The following FNDC1 variants were observed in gnomAD, a reference collection of about 807,000 sequenced individuals.
FNDC1 encodes the protein fibronectin type III domain-containing protein 1.
In FNDC1, 96 loss-of-function variants were observed where a neutral mutation model predicts 168.0. That is an observed-to-expected ratio of 0.57 (90% CI 0.48 to 0.68). The LOEUF (loss-of-function observed/expected upper bound fraction) is 0.68, where lower values mean the gene tolerates loss of function less well. Among genes scored for constraint, FNDC1 ranks in the 30% least tolerant of loss-of-function variants. The pLI is 0.00. For synonymous variants in FNDC1, 1,099 were observed against 1,025.9 expected (o/e 1.07, Z -1.36); for missense variants, 2,587 against 2,482.1 (o/e 1.04, Z -0.90).
chr6:159,231,743 T>C (rs1427491922), intron 10 of FNDC1, 139 bp from the exon 11 acceptor site: 5 of 625,596 alleles, frequency 8.0e-6, no homozygotes, highest in Non-Finnish European at 1.1e-5. Flanking sequence ...ACGTTTCCAG[T>C]GTTCTAAGGA....
intron 19 of FNDC1, among the ~76,000 whole-genome samples, chr6:159,263,545 G>T (rs1263789590): frequency 6.6e-6 from 1 of 152,074 alleles, no homozygotes; most frequent in African/African-American, 2.4e-5. Context: ...GGCGGATCAC[G>T]AGGTCATGAG....
chr6:159,233,227 C>G lies in FNDC1; in HGVS notation c.2715C>G (p.Gly905=). 6 of 1,613,784 alleles carry G rather than the reference C, an allele frequency of 3.7e-6. No homozygotes were observed. Among genetic ancestry groups the G allele is most frequent in the Non-Finnish European group, 5.1e-6 (6 of 1,179,812 alleles). ...CCTCCAGGCAGCCCATCTCCCGGGG[C>G]TGGGAGGACTTAAGGAGAAGCCCGC... ...PSSSRQPISR[G]WEDLRRSPQR... is the part of the protein sequence containing the mutation. Residue 905 remains glycine (G), a synonymous_variant, in exon 11 of 23, where the codon GGC becomes GGG. Transcript: ENST00000297267. This position sits in a 1 kb window ranked among gnomAD's most constrained non-coding sequence, Gnocchi z 4.6.
intron 1 of FNDC1, among the ~76,000 whole-genome samples, chr6:159,194,535 G>A (rs1291097576): frequency 1.3e-5 from 2 of 152,160 alleles, no homozygotes; most frequent in African/African-American, 4.8e-5. Context: ...TCATCTTTAT[G>A]CTATCAGAGT....
Position 159,233,925 on chromosome 6 carries a change from C to T in FNDC1, c.3413C>T (p.Pro1138Leu). The T allele has an allele frequency of 1.3e-6, 2 of 1,551,342 alleles. No homozygotes were observed. The highest frequency in any genetic ancestry group is 2.4e-5 in the East Asian group (1 of 41,444). Reference sequence around the variant, plus strand: ...GGACATGCGGCCTCCCCCGCCAGGCCCAGCCGACCCGGCGGCCCCCAGTCC... The same window carrying T: ...GGACATGCGGCCTCCCCCGCCAGGCTCAGCCGACCCGGCGGCCCCCAGTCC... ...QRGHAASPARPSRPGGPQSRA... is the reference protein window; with the variant it reads ...QRGHAASPARLSRPGGPQSRA... Residue 1138 changes from proline to leucine, a missense_variant, in exon 11 of 23, where the codon CCC becomes CTC. Physicochemically the swap from Pro to Leu is moderately conservative, Grantham distance 98. Transcript: ENST00000297267. This position sits in a 1 kb window ranked among gnomAD's most constrained non-coding sequence, Gnocchi z 4.6.
chr6:159,250,614 G>A (rs903321440), intron 16 of FNDC1, among the ~76,000 whole-genome samples: 77 of 152,286 alleles, frequency 5.1e-4, no homozygotes, highest in African/African-American at 1.6e-3. Flanking sequence ...TACTCTCAGC[G>A]TTGGCAGGCG....
At position 159,232,461 on chromosome 6, in the gene FNDC1, A is replaced by G. The variant is rs758867914; in HGVS notation, c.1949A>G (p.Asp650Gly). ...AACGACTTGGTGGACTCAGACGAAG[A>G]TGAGCGCGCTGTGGGCTCCCTCCAC... ...NDNDLVDSDE[D>G]ERAVGSLHPK... The change falls in exon 11 of 23, where the codon GAT becomes GGT. Residue 650 changes from aspartate (D) to glycine (G), a missense_variant. Asp to Gly is a moderately conservative substitution (Grantham distance 94, BLOSUM62 -1). Transcript: ENST00000297267. This position sits in a 1 kb window ranked among gnomAD's most constrained non-coding sequence, Gnocchi z 4.9. 1 of 1,612,132 alleles carries G rather than the reference A, an allele frequency of 6.2e-7. No individual in the cohort carries two copies. Among genetic ancestry groups the G allele is most frequent in the South Asian group, 1.1e-5 (1 of 90,876 alleles).
Position 159,197,590 on chromosome 6 carries a change from A to G in FNDC1, c.269A>G (p.Asn90Ser). Residue 90 changes from asparagine (N) to serine (S), a missense_variant, in exon 2 of 23, where the codon AAT (asparagine) becomes AGT (serine). Asn to Ser is a conservative substitution (Grantham distance 46). Transcript: ENST00000297267. ...AAAAGTCTTAAATACATCAAGGTGAATGCGGAGACATACTCCTTCCTTATT... is the reference window on the plus strand; with the variant it reads ...AAAAGTCTTAAATACATCAAGGTGAGTGCGGAGACATACTCCTTCCTTATT... ...SLKSLKYIKVNAETYSFLIED... is the reference protein window; with the variant it reads ...SLKSLKYIKVSAETYSFLIED... 1 of 1,613,482 alleles carries G rather than the reference A, an allele frequency of 6.2e-7. No homozygotes were observed. The highest frequency in any genetic ancestry group is 8.5e-7 in the Non-Finnish European group (1 of 1,179,704).
intron 1 of FNDC1, among the ~76,000 whole-genome samples, chr6:159,185,013 C>T (rs1252908206): frequency 7.7e-6 from 1 of 129,498 alleles, no homozygotes; most frequent in African/African-American, 3.0e-5. Flanking sequence ...TATGGAATTC[C>T]TCCAGTTCCA....
At chr6:159,224,697 A>G (rs1562643971) in intron 7 of FNDC1, among the ~76,000 whole-genome samples, 1 of 152,202 alleles carries the variant, frequency 6.6e-6, no homozygotes, top group Non-Finnish European at 1.5e-5. Flanking sequence ...GAGTTTTCTT[A>G]GCAGAACTGT....
chr6:159,189,001 C>G (rs992497449), intron 1 of FNDC1, among the ~76,000 whole-genome samples: 4 of 152,142 alleles, frequency 2.6e-5, no homozygotes, highest in Admixed American at 6.5e-5. Flanking sequence ...ATCTGCCCAC[C>G]TCAGCCTCCC....
intron 6 of FNDC1, among the ~76,000 whole-genome samples, chr6:159,221,993 C>T (rs1242925962): frequency 6.6e-6 from 1 of 152,132 alleles, no homozygotes; most frequent in African/African-American, 2.4e-5. Context: ...GTGACCCAAG[C>T]CTAAATTGCC....
rs116680625 is a variant in FNDC1, at chr6:159,189,328, G to A, written c.110-8103G>A. On this transcript the variant is annotated intron_variant, in intron 1 of 22. Coordinates refer to ENST00000297267, the MANE Select transcript of FNDC1 (RefSeq NM_032532.3). ...GTCAGGATTCTTCCTCCACAGCCTC[G>A]TGAGTAGAAAGTACTGGCCACATCT... Among the ~76,000 whole-genome samples, 520 of 152,258 alleles carry A rather than the reference G, an allele frequency of 3.4e-3. 3 individuals are homozygous for A. The highest frequency in any genetic ancestry group is 0.012 in the African/African-American group (493 of 41,540).
At chr6:159,269,435 A>C (rs184969758) in intron 22 of FNDC1, among the ~76,000 whole-genome samples, 67 of 140,392 alleles carry the variant, frequency 4.8e-4, no homozygotes, top group Non-Finnish European at 6.3e-4. Flanking sequence ...GTAGGTATCC[A>C]TCCATTATCT....
chr6:159,223,446 A>T, intron 6 of FNDC1, 82 bp from the exon 7 acceptor site: 1 of 732,740 alleles, frequency 1.4e-6, no homozygotes, highest in Non-Finnish European at 2.3e-6. Context: ...CAGGGTGAAT[A>T]ATAGCCTGTC....
rs757314810 is a variant in FNDC1, at chr6:159,232,202, C to T, written c.1690C>T (p.Arg564Trp). The T allele has an allele frequency of 3.7e-6, 6 of 1,613,484 alleles. No homozygotes were observed. The highest frequency in any genetic ancestry group is 5.1e-6 in the Non-Finnish European group (6 of 1,179,774). ...ACCCTCAGACACCCAAGACCAGAAA[C>T]GGACCCTGAGGCCGCCAAGTAGACA... ...MSPSDTQDQKRTLRPPSRHGH... is the reference protein window; with the variant it reads ...MSPSDTQDQKWTLRPPSRHGH... Residue 564 changes from arginine (R) to tryptophan (W), a missense_variant, in exon 11 of 23, where the codon CGG becomes TGG. By Grantham distance (101) the Arg-to-Trp change is moderately radical. Coordinates refer to ENST00000297267, the MANE Select transcript of FNDC1 (RefSeq NM_032532.3). The surrounding 1 kb of genome is among the most constrained non-coding windows in gnomAD (Gnocchi z 4.9).
In FNDC1 at chr6:159,271,992, C is replaced by CA. The variant is rs1777756727; in HGVS notation, c.*553dup. On this transcript the variant is annotated 3_prime_UTR_variant, in exon 23 of 23. Coordinates refer to ENST00000297267, the MANE Select transcript of FNDC1 (RefSeq NM_032532.3). ...TTACCCACTGCTAGAATAAATGTAT[C>CA]AAATCTTATTTGTAAATTCTCAATT... The CA allele has an allele frequency of 6.5e-6, 1 of 152,712 alleles. No homozygotes were observed. Among genetic ancestry groups the CA allele is most frequent in the Non-Finnish European group, 1.5e-5 (1 of 68,494 alleles). 9.5% of individuals were successfully genotyped at this position (152,712 alleles called of 1,614,324 possible). A position where few individuals can be genotyped will look rare whatever the true frequency, so the allele number is the denominator to read the frequency against.
intron 12 of FNDC1, among the ~76,000 whole-genome samples, chr6:159,237,820 C>T (rs378339): frequency 0.84 from 128,476 of 152,222 alleles, 54,682 homozygotes; most frequent in Non-Finnish European, 0.9. Flanking sequence ...ATGGATATAT[C>T]TTTATTTTTG....
Position 159,231,969 on chromosome 6 carries a change from C to G in FNDC1, c.1457C>G (p.Ala486Gly). 6.2e-7 allele frequency: 1 copy of G among 1,614,022 alleles called. No individual in the cohort carries two copies. The highest frequency in any genetic ancestry group is 8.5e-7 in the Non-Finnish European group (1 of 1,179,898). Residue 486 changes from alanine to glycine, a missense_variant, in exon 11 of 23, where the codon GCT becomes GGT. Ala to Gly is a moderately conservative substitution (Grantham distance 60). Transcript: ENST00000297267. ...TCCTCACCTTCTCCCAGAGCTCCAG[C>G]TTCCTCCCAACACCCCTCTGTGCCT... ...EPSSPSPRAP[A>G]SSQHPSVPAS...
At chr6:159,259,535 C>T (rs937982048) in intron 18 of FNDC1, among the ~76,000 whole-genome samples, 6 of 152,220 alleles carry the variant, frequency 3.9e-5, no homozygotes, top group Admixed American at 6.5e-5. Context: ...GTTGACTACT[C>T]AGCAGAAGTG....
Sources: allele counts gnomAD v4.1 joint callset (sites outside exome capture counted in the v4.1 genomes callset), GRCh38; gene constraint gnomAD v4.1.1; non-coding constraint Gnocchi (gnomAD v3.1); transcripts MANE v1.5; gene names NCBI Gene and HGNC (gene_info 2026-07-23, HGNC 2026-07-21).